Variants in ARID1B observed in about 807,000 individuals in gnomAD.
ARID1B encodes the protein AT-rich interactive domain-containing protein 1B.
ARID1B carries 30 observed loss-of-function variants against 212.3 expected under a neutral mutation model. The observed-to-expected ratio is 0.14, with a 90% CI of 0.11 to 0.19. ARID1B has a LOEUF of 0.19. ARID1B is among the 10% of genes least tolerant of loss of function. ARID1B has a pLI of 1.00. For synonymous variants in ARID1B, 1,402 were observed against 1,301.7 expected (o/e 1.08, Z -1.66); for missense variants, 2,891 against 3,204.0 (o/e 0.90, Z 2.36).
chr6:157,163,192 C>T lies in ARID1B; in HGVS notation c.3090-3848C>T, dbSNP rs150473640. ...CAGAAGGGGCTCAGCAGCCAGGGAGCGCTGCTCTGGAAAGGACCCAGCTGC... is the reference window on the plus strand; with the variant it reads ...CAGAAGGGGCTCAGCAGCCAGGGAGTGCTGCTCTGGAAAGGACCCAGCTGC... On this transcript the variant is annotated intron_variant, in intron 8 of 19. Coordinates refer to ENST00000636930, the MANE Select transcript of ARID1B (RefSeq NM_001374828.1). Among the ~76,000 whole-genome samples, 1,359 of 152,262 alleles carry T rather than the reference C, an allele frequency of 8.9e-3. 23 individuals are homozygous for T. The highest frequency in any genetic ancestry group is 0.031 in the African/African-American group (1,283 of 41,542).
chr6:156,963,215 G>C (rs986872065), intron 4 of ARID1B, among the ~76,000 whole-genome samples: 1 of 152,178 alleles, frequency 6.6e-6, no homozygotes, highest in Admixed American at 6.5e-5. Flanking sequence ...ATCAAGTAAT[G>C]AATTTAGATT....
intron 4 of ARID1B, among the ~76,000 whole-genome samples, chr6:156,974,509 G>A (rs1436422045): frequency 1.3e-5 from 2 of 152,168 alleles, no homozygotes; most frequent in African/African-American, 4.8e-5. Flanking sequence ...AGGTTAAATT[G>A]TTCCTTGAAA....
chr6:156,946,608 G>A (rs1257794754), intron 4 of ARID1B, among the ~76,000 whole-genome samples: 1 of 152,106 alleles, frequency 6.6e-6, no homozygotes, highest in African/African-American at 2.4e-5. Context: ...TGACCCTGGA[G>A]CAGGGACACA....
chr6:156,941,959 T>C (rs949743496), intron 4 of ARID1B: 1 of 152,250 alleles, frequency 6.6e-6, no homozygotes, highest in African/African-American at 2.4e-5. Flanking sequence ...AGCTGAGATA[T>C]TTGCTTAGTG....
chr6:156,881,863 T>C (rs1287604854), intron 2 of ARID1B, among the ~76,000 whole-genome samples: 1 of 152,214 alleles, frequency 6.6e-6, no homozygotes, highest in Non-Finnish European at 1.5e-5. Flanking sequence ...TGAAGGCTAG[T>C]GTAGCATTGG....
chr6:156,825,451 C>T (rs1782674561), intron 1 of ARID1B, among the ~76,000 whole-genome samples: 1 of 152,178 alleles, frequency 6.6e-6, no homozygotes, highest in Non-Finnish European at 1.5e-5. Context: ...GTTAAGCTAA[C>T]ATTTTTGACA....
intron 4 of ARID1B, among the ~76,000 whole-genome samples, chr6:156,974,571 C>T (rs1777114110): frequency 6.6e-6 from 1 of 152,156 alleles, no homozygotes; most frequent in African/African-American, 2.4e-5. Context: ...ATCTTCTTCA[C>T]ACAAGACATA....
Position 157,084,754 on chromosome 6 carries a change from G to A in ARID1B, c.2340G>A (p.Gly780=), listed in dbSNP as rs774397054. 1 of 1,614,108 alleles carries A rather than the reference G, an allele frequency of 6.2e-7. No homozygotes were observed. Among genetic ancestry groups the A allele is most frequent in the African/African-American group, 1.3e-5 (1 of 75,006 alleles). The change falls in exon 5 of 20, where the codon GGG becomes GGA. Residue 780 remains glycine, a synonymous_variant. Transcript: ENST00000636930. ...VSASGSTSSQ[G]DQSNPAQSPF... ...CATCCGGGTCCACGAGCAGCCAAGG[G>A]GATCAGAGCAACCCGGCGCAGTCGC...
At chr6:156,850,079 C>T (rs546305919) in intron 2 of ARID1B, among the ~76,000 whole-genome samples, 14 of 149,576 alleles carry the variant, frequency 9.4e-5, no homozygotes, top group African/African-American at 2.7e-4. Flanking sequence ...CGCCCAGCCC[C>T]GGGAGAGCAT....
chr6:156,963,287 G>A (rs957389443), intron 4 of ARID1B, among the ~76,000 whole-genome samples: 6 of 152,002 alleles, frequency 3.9e-5, no homozygotes, highest in African/African-American at 1.4e-4. Flanking sequence ...TCTAAAAATC[G>A]CTCTACTGGT....
intron 5 of ARID1B, among the ~76,000 whole-genome samples, chr6:157,097,250 G>T (rs1785702487): frequency 6.6e-6 from 1 of 152,154 alleles, no homozygotes; most frequent in African/African-American, 2.4e-5. Context: ...ATATCTAAAT[G>T]GAGAATTTAT....
intron 4 of ARID1B, among the ~76,000 whole-genome samples, chr6:157,047,425 C>G (rs1008687133): frequency 9.2e-5 from 14 of 152,216 alleles, no homozygotes; most frequent in African/African-American, 3.1e-4. Context: ...TCTTCTAGAC[C>G]AAGTATTCTG....
chr6:157,135,773 C>T (rs1382261881), intron 7 of ARID1B, among the ~76,000 whole-genome samples: 2 of 152,208 alleles, frequency 1.3e-5, no homozygotes, highest in African/African-American at 2.4e-5. Flanking sequence ...AGAAAGGGAT[C>T]CTAATAAAGG....
chr6:156,818,931 A>G (rs565291471), intron 1 of ARID1B, among the ~76,000 whole-genome samples: 15 of 151,852 alleles, frequency 9.9e-5, no homozygotes, highest in African/African-American at 3.4e-4. Context: ...TGATAATAAA[A>G]TCTATCCTTT....
At chr6:156,832,082 A>C (rs1486494258) in intron 2 of ARID1B, among the ~76,000 whole-genome samples, 1 of 152,248 alleles carries the variant, frequency 6.6e-6, no homozygotes, top group African/African-American at 2.4e-5. Context: ...ATTTTAAAGA[A>C]GACATACAGC....
chr6:157,102,471 T>G (rs1199750496), intron 5 of ARID1B, among the ~76,000 whole-genome samples: 1 of 152,206 alleles, frequency 6.6e-6, no homozygotes, highest in Non-Finnish European at 1.5e-5. Context: ...ATAAAGCAAC[T>G]TCTGTTACTG....
chr6:156,956,127 C>G (rs1221459580), intron 4 of ARID1B, among the ~76,000 whole-genome samples: 2 of 152,130 alleles, frequency 1.3e-5, no homozygotes. Context: ...AGAGCAGGGC[C>G]TCTGCTTCTG....
At chr6:156,959,925 CTTT>C (rs138881152) in intron 4 of ARID1B, among the ~76,000 whole-genome samples, 3 of 122,574 alleles carry the variant, frequency 2.4e-5, no homozygotes, top group South Asian at 5.8e-4. Flanking sequence ...TTGTCAGCTT[CTTT>C]TTTTTTTTTT....
At chr6:156,863,938 GC>G (rs1443833389) in intron 2 of ARID1B, among the ~76,000 whole-genome samples, 2 of 152,142 alleles carry the variant, frequency 1.3e-5, no homozygotes, top group East Asian at 1.9e-4. Context: ...TACTTCTTGG[GC>G]CTCACTAGTT....
Sources: gnomAD v4.1 joint callset for allele counts (sites outside exome capture counted in the v4.1 genomes callset) on GRCh38, gnomAD v4.1.1 for gene constraint, MANE v1.5 for transcripts, NCBI Gene and HGNC (gene_info 2026-07-23, HGNC 2026-07-21) for gene names.